The following ABCD3 variants were observed in gnomAD, a reference collection of about 807,000 sequenced individuals.
ABCD3 encodes the protein ATP binding cassette subfamily D member 3.
Under a neutral mutation model 105.5 loss-of-function variants are expected in ABCD3, and 41 were observed. The observed-to-expected ratio is 0.39, with a 90% confidence interval of 0.30 to 0.50. ABCD3 has a LOEUF of 0.50. Ranked by LOEUF, ABCD3 falls within the 20% of genes least tolerant of loss-of-function variation. The pLI, the probability that ABCD3 is intolerant of heterozygous loss-of-function variation, is 0.84. For missense variants in ABCD3, 622 were observed against 806.3 expected (o/e 0.77, Z 2.77); for synonymous variants, 258 against 269.0 (o/e 0.96, Z 0.40).
At chr1:94,447,477 T>C (rs773219054) in intron 1 of ABCD3, among the ~76,000 whole-genome samples, 3 of 152,210 alleles carry the variant, frequency 2.0e-5, no homozygotes, top group African/African-American at 4.8e-5. Flanking sequence ...ATGGTTTGCA[T>C]TTACAATTCC....
Position 94,418,919 on chromosome 1 carries a change from C to A in ABCD3, c.110+331C>A. The stretch of plus-strand genomic sequence containing the variant: ...ATGCGGTGTGTCCCCCACCCCCTTC[C>A]CTACATCACCCCCTTCTGTGTCAAC... On this transcript the variant is annotated intron_variant, in intron 1 of 22. Coordinates refer to ENST00000370214, the MANE Select transcript of ABCD3 (RefSeq NM_002858.4). 4 of 408,326 alleles carry A rather than the reference C, an allele frequency of 9.8e-6. No homozygotes were observed. In the South Asian group the frequency reaches 1.1e-4, roughly 11 times the overall value. The allele number at this position is 408,326 out of a possible 1,614,324, so 25.3% of individuals were successfully genotyped here.
intron 1 of ABCD3, among the ~76,000 whole-genome samples, chr1:94,434,895 G>A (rs1659841436): frequency 6.6e-6 from 1 of 152,014 alleles, no homozygotes; most frequent in African/African-American, 2.4e-5. Flanking sequence ...CCTGACTTCT[G>A]TATAATCGCA....
chr1:94,406,340 G>GTTTTTTT, the ABCD3 span: 3 of 142,546 alleles, frequency 2.1e-5, no homozygotes, highest in African/African-American at 5.8e-5. Flanking sequence ...ATTTTGTTTT[G>GTTTTTTT]TTTTTTTTTT....
At position 94,458,513 on chromosome 1, in the gene ABCD3, T is replaced by C; in HGVS notation, c.111-94T>C. ...TGATGTGAAAAAGAAGAAACGCTTTTAAATAATTTGGTATATTTGACATCT... is the reference window on the plus strand; with the variant it reads ...TGATGTGAAAAAGAAGAAACGCTTTCAAATAATTTGGTATATTTGACATCT... On this transcript the variant is annotated intron_variant, in intron 1 of 22. Coordinates refer to ENST00000370214, the MANE Select transcript of ABCD3 (RefSeq NM_002858.4). The C allele has an allele frequency of 2.7e-6, 3 of 1,120,220 alleles. No individual in the cohort carries two copies. The South Asian group carries it at 3.9e-5, about 14-fold the overall frequency. 69.4% of individuals were successfully genotyped at this position (1,120,220 alleles called of 1,614,324 possible). A position where few individuals can be genotyped will look rare whatever the true frequency, so the allele number is the denominator to read the frequency against.
At chr1:94,469,662 C>A (rs1570786034) in intron 4 of ABCD3, among the ~76,000 whole-genome samples, 1 of 107,568 alleles carries the variant, frequency 9.3e-6, no homozygotes, top group Non-Finnish European at 2.0e-5. Flanking sequence ...AGTGTTCTTG[C>A]CTTTTTTTTT....
chr1:94,415,680 A>G (rs1658986697), upstream of ABCD3, among the ~76,000 whole-genome samples: 1 of 152,222 alleles, frequency 6.6e-6, no homozygotes, highest in Admixed American at 6.5e-5. Flanking sequence ...ACAATATTCT[A>G]CATTAATCTT....
At chr1:94,458,871 T>C (rs1647721642) in intron 2 of ABCD3, among the ~76,000 whole-genome samples, 1 of 150,812 alleles carries the variant, frequency 6.6e-6, no homozygotes, top group Non-Finnish European at 1.5e-5. Context: ...GATATTAGTT[T>C]CCCCCCCTCT....
At chr1:94,465,113 G>T (rs372703915) in intron 3 of ABCD3, among the ~76,000 whole-genome samples, 1 of 152,014 alleles carries the variant, frequency 6.6e-6, no homozygotes, top group Non-Finnish European at 1.5e-5. Flanking sequence ...GGCCAAGGAG[G>T]TGCCACATAC....
chr1:94,469,827 G>A (rs1648364896), intron 4 of ABCD3, among the ~76,000 whole-genome samples: 1 of 151,648 alleles, frequency 6.6e-6, no homozygotes, highest in South Asian at 2.1e-4. Flanking sequence ...CACCACACCT[G>A]GCTAATTTTT....
At position 94,491,194 on chromosome 1, in the gene ABCD3, G is replaced by T. The variant is rs760711704; in HGVS notation, c.1333G>T (p.Val445Phe). The change falls in exon 16 of 23, where the codon GTT becomes TTT. Residue 445 changes from valine (V) to phenylalanine (F), a missense_variant. By Grantham distance (50) the Val-to-Phe change is conservative. This residue lies in a region of ABCD3 where 285 missense variants were observed against 352.5 expected (regional missense o/e 0.81). Coordinates refer to ENST00000370214, the MANE Select transcript of ABCD3 (RefSeq NM_002858.4). ...AAATTTCCTCTATAGGTTTGATCAT[G>T]TTCCTTTAGCAACGCCAAATGGAGA... The part of the protein sequence containing the change: ...IADNIIKFDH[V>F]PLATPNGDVL... 2 of 1,611,494 alleles carry T rather than the reference G, an allele frequency of 1.2e-6. No individual in the cohort carries two copies. Among genetic ancestry groups the T allele is most frequent in the Non-Finnish European group, 1.7e-6 (2 of 1,178,248 alleles).
intron 1 of ABCD3, among the ~76,000 whole-genome samples, chr1:94,446,039 T>C (rs555957357): frequency 7.0e-4 from 107 of 152,188 alleles, no homozygotes; most frequent in South Asian, 1.5e-3. Flanking sequence ...ATGGTCATAC[T>C]AAAAAAGAAT....
At chr1:94,450,770 C>A (rs969133053) in intron 1 of ABCD3, among the ~76,000 whole-genome samples, 1 of 152,160 alleles carries the variant, frequency 6.6e-6, no homozygotes, top group Non-Finnish European at 1.5e-5. Flanking sequence ...AGGGTCTCCA[C>A]GACTGAGCTA....
chr1:94,441,845 T>TTA (rs1260171995), intron 1 of ABCD3, among the ~76,000 whole-genome samples: 1 of 152,120 alleles, frequency 6.6e-6, no homozygotes, highest in Non-Finnish European at 1.5e-5. Context: ...AACTGGTTAC[T>TTA]TAGAGGGTAT....
intron 20 of ABCD3, among the ~76,000 whole-genome samples, chr1:94,501,277 A>C (rs542625205): frequency 2.7e-4 from 41 of 151,766 alleles, no homozygotes; most frequent in South Asian, 1.5e-3. Context: ...AAAAAAAAAA[A>C]AAAAAAACAC....
At chr1:94,504,016 G>T (rs961756538) in intron 20 of ABCD3, among the ~76,000 whole-genome samples, 10 of 149,232 alleles carry the variant, frequency 6.7e-5, no homozygotes, top group Middle Eastern at 3.2e-3. Flanking sequence ...GGGTTCAAGC[G>T]ATTCTCCTGC....
At chr1:94,454,419 A>T (rs1440733007) in intron 1 of ABCD3, among the ~76,000 whole-genome samples, 1 of 152,180 alleles carries the variant, frequency 6.6e-6, no homozygotes, top group African/African-American at 2.4e-5. Flanking sequence ...AGGTGAGTTC[A>T]GATATAGACA....
At position 94,418,483 on chromosome 1, in the gene ABCD3, C is replaced by T. The variant is rs775776122; in HGVS notation, c.5C>T (p.Ala2Val). 9 of 1,599,116 alleles carry T rather than the reference C, an allele frequency of 5.6e-6. No homozygotes were observed. The highest frequency in any genetic ancestry group is 2.7e-5 in the African/African-American group (2 of 74,678). Residue 2 changes from alanine to valine, a missense_variant, in exon 1 of 23, where the codon GCG becomes GTG. By Grantham distance (64) the Ala-to-Val change is moderately conservative. This residue lies in a region of ABCD3 where 89 missense variants were observed against 77.5 expected (regional missense o/e 1.15). Transcript: ENST00000370214. ...CTCGCTGGTACCGGCAGTGCCATGG[C>T]GGCCTTCAGCAAGTACTTGACGGCG... is the stretch of plus-strand genomic sequence containing the variant. M[A>V]AFSKYLTARN...
intron 1 of ABCD3, among the ~76,000 whole-genome samples, chr1:94,425,041 C>T (rs565629778): frequency 6.6e-6 from 1 of 152,228 alleles, no homozygotes; most frequent in Non-Finnish European, 1.5e-5. Flanking sequence ...CTTTTTGCTA[C>T]AAATGTAAAT....
chr1:94,406,476 G>A, the ABCD3 span: 1 of 422,284 alleles, frequency 2.4e-6, no homozygotes, highest in Non-Finnish European at 4.7e-6. Flanking sequence ...TTCTCTGGGT[G>A]GAACAGGCTG....
Sources: gnomAD v4.1 joint callset for allele counts (sites outside exome capture counted in the v4.1 genomes callset) on GRCh38, gnomAD v4.1.1 for gene constraint, gnomAD v4.1.1 regional missense constraint, MANE v1.5 for transcripts, NCBI Gene and HGNC (gene_info 2026-07-23, HGNC 2026-07-21) for gene names.